GLRA3: variants seen among roughly 807,000 people sequenced by gnomAD.
GLRA3 encodes the protein glycine receptor alpha 3, also known as glycine receptor subunit alpha-3.
Under a neutral mutation model 60.4 loss-of-function variants are expected in GLRA3, and 44 were observed. The ratio of observed to expected loss-of-function variants is 0.73; its 90% CI spans 0.57 to 0.94. The LOEUF (loss-of-function observed/expected upper bound fraction) is 0.94, where lower values mean the gene tolerates loss of function less well. GLRA3 is among the 40% of genes least tolerant of loss of function. GLRA3 has a pLI of 0.00. For synonymous variants in GLRA3, 223 were observed against 192.9 expected (o/e 1.16, Z -1.29); for missense variants, 508 against 564.6 (o/e 0.90, Z 1.02).
chr4:174,778,735 C>G (rs530116887), intron 2 of GLRA3, among the ~76,000 whole-genome samples: 33 of 152,368 alleles, frequency 2.2e-4, no homozygotes, highest in African/African-American at 6.7e-4. Flanking sequence ...AATCGGGTCA[C>G]TCCCACCCGA....
At chr4:174,693,615 A>G (rs1734942929) in intron 5 of GLRA3, among the ~76,000 whole-genome samples, 2 of 152,096 alleles carry the variant, frequency 1.3e-5, no homozygotes, top group Admixed American at 1.3e-4. Context: ...TTTGCTTAGG[A>G]TTGCCTTGGC....
rs559166347 is a variant in GLRA3 at position 174,673,591 on chromosome 4, A to T, written c.927+3487T>A. Reference sequence around the variant, plus strand: ...GCCCCGGGAGGGGAACAGAGAGAGAAGATTTTCAGCTGGAGGAAGAGAGCC... The same window carrying T: ...GCCCCGGGAGGGGAACAGAGAGAGATGATTTTCAGCTGGAGGAAGAGAGCC... On this transcript the variant is annotated intron_variant, in intron 7 of 9. Transcript: ENST00000274093. Among the ~76,000 whole-genome samples, 11 of 152,272 alleles carry T rather than the reference A, an allele frequency of 7.2e-5. No homozygotes were observed. The South Asian group carries it at 2.3e-3, about 32-fold the overall frequency.
intron 5 of GLRA3, among the ~76,000 whole-genome samples, chr4:174,690,859 C>T (rs1030529166): frequency 2.7e-4 from 41 of 152,282 alleles, no homozygotes; most frequent in African/African-American, 9.4e-4. Context: ...TTTATGGCTG[C>T]ATAGTATTCC....
chr4:174,660,338 C>A (rs1733387793), intron 7 of GLRA3, among the ~76,000 whole-genome samples: 1 of 152,110 alleles, frequency 6.6e-6, no homozygotes, highest in Non-Finnish European at 1.5e-5. Flanking sequence ...CAGTGTGGGA[C>A]ATTATCTGTC....
chr4:174,786,817 G>GCACAA (rs1739147220), intron 2 of GLRA3, among the ~76,000 whole-genome samples: 1 of 152,022 alleles, frequency 6.6e-6, no homozygotes, highest in Non-Finnish European at 1.5e-5. Flanking sequence ...AATGTTCAGA[G>GCACAA]CACAAGATAT....
intron 3 of GLRA3, among the ~76,000 whole-genome samples, chr4:174,732,783 A>C (rs554198820): frequency 1.5e-3 from 225 of 151,508 alleles, no homozygotes; most frequent in African/African-American, 5.1e-3. Context: ...CTCTCTATAT[A>C]TATATATATT....
chr4:174,815,529 T>C (rs984511572), intron 1 of GLRA3, among the ~76,000 whole-genome samples: 9 of 152,196 alleles, frequency 5.9e-5, no homozygotes, highest in African/African-American at 1.9e-4. Flanking sequence ...TGCCTCATCA[T>C]CCAGGCATTT....
intron 1 of GLRA3, among the ~76,000 whole-genome samples, chr4:174,819,671 C>T (rs1740657186): frequency 6.6e-6 from 1 of 152,116 alleles, no homozygotes; most frequent in Non-Finnish European, 1.5e-5. Flanking sequence ...AGCAAAGAAT[C>T]ATCACTCATC....
Position 174,812,689 on chromosome 4 carries a change from T to C in GLRA3, c.71+16052A>G, listed in dbSNP as rs114312272. 9.8e-3 allele frequency among the ~76,000 whole-genome samples: 1,491 copies of C among 152,254 alleles called. 24 individuals are homozygous for C. Among genetic ancestry groups the C allele is most frequent in the African/African-American group, 0.034 (1,393 of 41,554 alleles). On this transcript the variant is annotated intron_variant, in intron 1 of 9. Coordinates refer to ENST00000274093, the MANE Select transcript of GLRA3 (RefSeq NM_006529.4). ...CAAGGTTTTTATAGAATTATATTCT[T>C]TTTAAAAAGTAAGAGAGAGCAAAGT...
At chr4:174,719,113 G>A (rs957206880) in intron 4 of GLRA3, among the ~76,000 whole-genome samples, 1 of 151,608 alleles carries the variant, frequency 6.6e-6, no homozygotes, top group Non-Finnish European at 1.5e-5. Context: ...ACAGGCGCCC[G>A]CCACCTCGCC....
Position 174,706,154 on chromosome 4 carries a change from C to T in GLRA3, c.574+9334G>A, listed in dbSNP as rs144433009. Among the ~76,000 whole-genome samples, 1,377 of 151,812 alleles carry T rather than the reference C, an allele frequency of 9.1e-3. 21 individuals carry two copies. Among genetic ancestry groups the T allele is most frequent in the African/African-American group, 0.031 (1,281 of 41,398 alleles). On this transcript the variant is annotated intron_variant, in intron 5 of 9. Transcript: ENST00000274093. ...CTGAGACAGGAGAATGGCGTGAACC[C>T]GGGAGGCAGAGCTTGCAGTGAGCCG... is the stretch of plus-strand genomic sequence containing the variant.
At chr4:174,734,139 A>T (rs1042222056) in intron 3 of GLRA3, among the ~76,000 whole-genome samples, 2 of 152,160 alleles carry the variant, frequency 1.3e-5, no homozygotes, top group African/African-American at 4.8e-5. Context: ...CTAATCAGAG[A>T]TCTTGGCAAA....
chr4:174,779,399 C>G (rs1255954881), intron 2 of GLRA3, among the ~76,000 whole-genome samples: 1 of 152,130 alleles, frequency 6.6e-6, no homozygotes, highest in Non-Finnish European at 1.5e-5. Context: ...CTCTAAAAAG[C>G]AGAGTGACTC....
chr4:174,687,179 T>C (rs1734580696), intron 5 of GLRA3, among the ~76,000 whole-genome samples: 1 of 152,238 alleles, frequency 6.6e-6, no homozygotes, highest in Non-Finnish European at 1.5e-5. Flanking sequence ...TTTACTGCCA[T>C]ATCTTGCAGC....
intron 1 of GLRA3, among the ~76,000 whole-genome samples, chr4:174,802,679 C>T (rs1344236647): frequency 6.6e-6 from 1 of 151,948 alleles, no homozygotes; most frequent in Non-Finnish European, 1.5e-5. Context: ...GCAATGGGAT[C>T]TAAACTGAAC....
At chr4:174,748,581 T>C (rs765686057) in intron 3 of GLRA3, among the ~76,000 whole-genome samples, 1 of 152,150 alleles carries the variant, frequency 6.6e-6, no homozygotes, top group Non-Finnish European at 1.5e-5. Flanking sequence ...CAGGATTTGA[T>C]GTAGAAAAAA....
chr4:174,691,984 G>C (rs1162891593), intron 5 of GLRA3, among the ~76,000 whole-genome samples: 1 of 151,794 alleles, frequency 6.6e-6, no homozygotes, highest in Admixed American at 6.6e-5. Flanking sequence ...CTGAGATAAG[G>C]GGAGCGCCTC....
Position 174,642,481 on chromosome 4 carries a change from CAG to C in GLRA3, c.*1303_*1304del. The C allele has an allele frequency of 7.2e-6, 7 of 976,888 alleles. No individual in the cohort carries two copies. Among genetic ancestry groups the C allele is most frequent in the East Asian group, 1.1e-4 (1 of 8,772 alleles). 60.5% of individuals were successfully genotyped at this position (976,888 alleles called of 1,614,324 possible). A position where few individuals can be genotyped will look rare whatever the true frequency, so the allele number is the denominator to read the frequency against. ...AAAAATAGCAAAACTGAAAAAGAGT[CAG>C]AGTCTGGTTCTGTTTACCAAGAACT... On this transcript the variant is annotated 3_prime_UTR_variant, in exon 10 of 10. Coordinates refer to ENST00000274093, the MANE Select transcript of GLRA3 (RefSeq NM_006529.4).
chr4:174,659,621 G>A (rs2110890452), intron 7 of GLRA3, among the ~76,000 whole-genome samples: 1 of 149,400 alleles, frequency 6.7e-6, no homozygotes, highest in Non-Finnish European at 1.5e-5. Context: ...ATAATATATG[G>A]TTATTTGCTA....
Sources: gnomAD v4.1 joint callset for allele counts (sites outside exome capture counted in the v4.1 genomes callset) on GRCh38, gnomAD v4.1.1 for gene constraint, MANE v1.5 for transcripts, NCBI Gene and HGNC (gene_info 2026-07-23, HGNC 2026-07-21) for gene names.